FHIT: variants seen among roughly 807,000 people sequenced by gnomAD.
The protein encoded by FHIT is fragile histidine triad diadenosine triphosphatase.
In FHIT, 19 loss-of-function variants were observed where a neutral mutation model predicts 17.9. That is an observed-to-expected ratio of 1.06 (90% CI 0.74 to 1.56). The LOEUF (loss-of-function observed/expected upper bound fraction) is 1.56. Ranked by LOEUF, FHIT falls within the 40% of genes most tolerant of loss-of-function variation. The pLI, the probability that FHIT is intolerant of heterozygous loss-of-function variation, is 0.00. For synonymous variants in FHIT, 81 were observed against 69.7 expected (o/e 1.16, Z -0.81); for missense variants, 248 against 189.2 (o/e 1.31, Z -1.82).
chr3:59,919,995 T>C (rs980829976), intron 8 of FHIT, among the ~76,000 whole-genome samples: 1 of 152,172 alleles, frequency 6.6e-6, no homozygotes, highest in Non-Finnish European at 1.5e-5. Flanking sequence ...AAACTGAGAA[T>C]GAATGGTTAA....
At chr3:60,923,834 C>A (rs1707421928) in intron 3 of FHIT, among the ~76,000 whole-genome samples, 1 of 152,130 alleles carries the variant, frequency 6.6e-6, no homozygotes, top group African/African-American at 2.4e-5. Flanking sequence ...ACAGACGGCA[C>A]CTGGAAAATC....
At chr3:59,987,204 A>ATACT (rs377499993) in intron 7 of FHIT, among the ~76,000 whole-genome samples, 10,356 of 148,066 alleles carry the variant, frequency 0.07, 473 homozygotes, top group Non-Finnish European at 0.1. Flanking sequence ...AATCCTATAT[A>ATACT]TATTTATTTA....
chr3:60,809,017 TA>T (rs1340901041), intron 4 of FHIT, among the ~76,000 whole-genome samples: 4 of 152,234 alleles, frequency 2.6e-5, no homozygotes, highest in African/African-American at 9.6e-5. Flanking sequence ...TGCTTATGTA[TA>T]ATTTGGTTAA....
chr3:60,904,649 T>C (rs1706303397), intron 3 of FHIT, among the ~76,000 whole-genome samples: 1 of 152,090 alleles, frequency 6.6e-6, no homozygotes, highest in Non-Finnish European at 1.5e-5. Context: ...ATATATATTT[T>C]AAAATTCTTG....
At chr3:60,079,399 G>T (rs1042651242) in intron 5 of FHIT, among the ~76,000 whole-genome samples, 1 of 152,092 alleles carries the variant, frequency 6.6e-6, no homozygotes, top group Admixed American at 6.6e-5. Context: ...GTGGGTGGGG[G>T]CTTCTTGAGA....
At chr3:60,218,175 A>T (rs770358139) in intron 5 of FHIT, among the ~76,000 whole-genome samples, 24 of 152,170 alleles carry the variant, frequency 1.6e-4, no homozygotes, top group Non-Finnish European at 3.4e-4. Context: ...AGGAGTATAA[A>T]GGGATTCTGA....
chr3:59,991,175 C>G (rs1709216310), intron 7 of FHIT, among the ~76,000 whole-genome samples: 1 of 152,052 alleles, frequency 6.6e-6, no homozygotes, highest in Non-Finnish European at 1.5e-5. Flanking sequence ...TCAGCAGGTG[C>G]TCAGTGAATA....
intron 3 of FHIT, among the ~76,000 whole-genome samples, chr3:60,853,586 G>T (rs1575599156): frequency 6.6e-6 from 1 of 152,066 alleles, no homozygotes; most frequent in African/African-American, 2.4e-5. Context: ...TCTTCTGAGG[G>T]ATAATAAATT....
chr3:60,111,793 T>A (rs1704682448), intron 5 of FHIT, among the ~76,000 whole-genome samples: 1 of 152,212 alleles, frequency 6.6e-6, no homozygotes, highest in South Asian at 2.1e-4. Flanking sequence ...TGTATCCACA[T>A]ACCGAGCCTT....
At position 59,839,305 on chromosome 3, in the gene FHIT, G is replaced by A. The variant is rs544244192; in HGVS notation, c.348+83041C>T. Among the ~76,000 whole-genome samples, 20 of 134,700 alleles carry A rather than the reference G, an allele frequency of 1.5e-4. 1 individual carries two copies. In the South Asian group the frequency reaches 3.8e-3, roughly 26 times the overall value. The allele number at this position is 134,700 out of a possible 152,430, so 88.4% of individuals were successfully genotyped here. ...TGCACTCCAACATGGGCAACAGAGCGAGACTTCATTTTCAAAAAAAAAAAA... is the reference window on the plus strand; with the variant it reads ...TGCACTCCAACATGGGCAACAGAGCAAGACTTCATTTTCAAAAAAAAAAAA... On this transcript the variant is annotated intron_variant, in intron 8 of 9. Transcript: ENST00000492590.
chr3:60,571,115 G>A (rs542870466), intron 4 of FHIT, among the ~76,000 whole-genome samples: 2 of 151,940 alleles, frequency 1.3e-5, no homozygotes, highest in East Asian at 3.9e-4. Flanking sequence ...ATCACATGAG[G>A]TCAGGTGTTC....
chr3:60,028,166 G>T (rs941362195), intron 5 of FHIT, among the ~76,000 whole-genome samples: 2 of 150,418 alleles, frequency 1.3e-5, no homozygotes, highest in African/African-American at 2.5e-5. Flanking sequence ...AGATTTTTTT[G>T]TTCCTGAAGA....
intron 4 of FHIT, among the ~76,000 whole-genome samples, chr3:60,639,121 A>C (rs2039663616): frequency 6.7e-6 from 1 of 150,028 alleles, no homozygotes; most frequent in Admixed American, 6.7e-5. Context: ...CTATAGTTAA[A>C]GCAACTTTGT....
chr3:59,945,043 A>T (rs1559486844), intron 7 of FHIT, among the ~76,000 whole-genome samples: 1 of 152,184 alleles, frequency 6.6e-6, no homozygotes, highest in East Asian at 1.9e-4. Context: ...GTATATACTC[A>T]GCACTGGGAT....
chr3:59,799,029 G>C (rs917521482), intron 8 of FHIT, among the ~76,000 whole-genome samples: 8 of 152,122 alleles, frequency 5.3e-5, no homozygotes, highest in African/African-American at 1.9e-4. Flanking sequence ...CAAACCAAAG[G>C]GAAGCTGCAC....
Position 60,513,837 on chromosome 3 carries a change from C to T in FHIT, c.103+23023G>A, listed in dbSNP as rs2035039035. ...CTTTTCCAAAACCACTCTGACCTGC[C>T]CTGCACCCTATCCTGTGCCCATAAG... On this transcript the variant is annotated intron_variant, in intron 5 of 9. Coordinates refer to ENST00000492590, the MANE Select transcript of FHIT (RefSeq NM_002012.4). 1.3e-5 allele frequency among the ~76,000 whole-genome samples: 2 copies of T among 152,122 alleles called. 1 individual carries two copies. Among genetic ancestry groups the T allele is most frequent in the Non-Finnish European group, 2.9e-5 (2 of 68,038 alleles).
intron 3 of FHIT, among the ~76,000 whole-genome samples, chr3:60,955,635 C>CATATATATATACATGTATACAT (rs1553778580): frequency 2.1e-5 from 1 of 48,346 alleles, no homozygotes; most frequent in Admixed American, 2.5e-4. Flanking sequence ...TATATATATA[C>CATATATATATACATGTATACAT]ACACACACAC....
At chr3:59,864,071 C>A (rs1702524792) in intron 8 of FHIT, among the ~76,000 whole-genome samples, 1 of 152,100 alleles carries the variant, frequency 6.6e-6, no homozygotes, top group Admixed American at 6.5e-5. Context: ...TGACAACCAG[C>A]AAGATCGCAG....
chr3:60,201,956 T>C (rs533509544), intron 5 of FHIT, among the ~76,000 whole-genome samples: 25 of 152,314 alleles, frequency 1.6e-4, no homozygotes, highest in African/African-American at 5.8e-4. Flanking sequence ...AAGTTCTCCA[T>C]AGCAAGAGAT....
Sources: gnomAD v4.1 joint callset for allele counts (sites outside exome capture counted in the v4.1 genomes callset) on GRCh38, gnomAD v4.1.1 for gene constraint, MANE v1.5 for transcripts, NCBI Gene and HGNC (gene_info 2026-07-23, HGNC 2026-07-21) for gene names.